ADGB: variants seen among roughly 807,000 people sequenced by gnomAD.
ADGB encodes the protein androglobin.
Under a neutral mutation model 210.5 loss-of-function variants are expected in ADGB, and 172 were observed. That is an observed-to-expected ratio of 0.82 (90% CI 0.72 to 0.93). The LOEUF (loss-of-function observed/expected upper bound fraction) is 0.93, where lower values mean the gene tolerates loss of function less well. ADGB is among the 40% of genes least tolerant of loss of function. ADGB has a pLI of 0.00. For synonymous variants in ADGB, 658 were observed against 662.7 expected (o/e 0.99, Z 0.11); for missense variants, 2,025 against 1,964.8 (o/e 1.03, Z -0.58).
At chr6:146,624,997 T>C (rs1450296326) in intron 1 of ADGB, among the ~76,000 whole-genome samples, 1 of 152,044 alleles carries the variant, frequency 6.6e-6, no homozygotes, top group Admixed American at 6.6e-5. Context: ...TTATGGTTTA[T>C]CTTGATAAAT....
In ADGB at chr6:146,801,827, G is replaced by A. The variant is rs1320913456; in HGVS notation, c.4635-1G>A. ...TATCTTTTGATGACTTTTGTATCAA[G>A]GAAAACAGATACAGATCCTCTGCTG... On this transcript the variant is annotated splice_acceptor_variant, in intron 34 of 35. Coordinates refer to ENST00000397944, the MANE Select transcript of ADGB (RefSeq NM_024694.4). LOFTEE classifies it high-confidence loss of function. 1.3e-6 allele frequency: 2 copies of A among 1,535,004 alleles called. No individual in the cohort carries two copies. Among genetic ancestry groups the A allele is most frequent in the Admixed American group, 2.1e-5 (1 of 48,664 alleles).
intron 8 of ADGB, among the ~76,000 whole-genome samples, chr6:146,676,024 T>G (rs187061661): frequency 6.6e-6 from 1 of 152,194 alleles, no homozygotes; most frequent in East Asian, 1.9e-4. Context: ...TATAATCTTA[T>G]ATAAATAAAA....
intron 29 of ADGB, 142 bp from the exon 30 acceptor site, chr6:146,781,878 G>A (rs758419781): frequency 5.6e-6 from 3 of 539,614 alleles, no homozygotes; most frequent in South Asian, 6.6e-5. Flanking sequence ...AGTCCAACAG[G>A]CCTTTATAAA....
At chr6:146,804,929 T>C (rs1481027595) in intron 35 of ADGB, among the ~76,000 whole-genome samples, 1 of 152,228 alleles carries the variant, frequency 6.6e-6, no homozygotes, top group Non-Finnish European at 1.5e-5. Context: ...TCACAGATAA[T>C]ACCTAAATAA....
intron 1 of ADGB, among the ~76,000 whole-genome samples, chr6:146,616,193 G>A (rs1236567104): frequency 6.7e-6 from 1 of 150,298 alleles, no homozygotes; most frequent in Non-Finnish European, 1.5e-5. Context: ...GTATATGCCT[G>A]TTGGCCATTT....
At chr6:146,770,970 C>G (rs1025104057) in intron 29 of ADGB, among the ~76,000 whole-genome samples, 7 of 152,140 alleles carry the variant, frequency 4.6e-5, no homozygotes, top group Non-Finnish European at 1.0e-4. Context: ...AAAGCCAACA[C>G]CCCTAACAGC....
chr6:146,611,368 C>A (rs1298342586), intron 1 of ADGB, among the ~76,000 whole-genome samples: 4 of 152,092 alleles, frequency 2.6e-5, no homozygotes, highest in Non-Finnish European at 5.9e-5. Context: ...GCATGGGAAG[C>A]CTTGAGGGCT....
intron 25 of ADGB, among the ~76,000 whole-genome samples, chr6:146,742,660 A>C (rs889509417): frequency 5.3e-5 from 8 of 152,164 alleles, no homozygotes; most frequent in Non-Finnish European, 1.2e-4. Context: ...TTTGCTAATA[A>C]AAATTCAATT....
intron 6 of ADGB, among the ~76,000 whole-genome samples, chr6:146,665,111 T>C (rs1265222335): frequency 6.6e-6 from 1 of 152,006 alleles, no homozygotes; most frequent in Non-Finnish European, 1.5e-5. Context: ...CCTCCTGCAG[T>C]TTGTCAAAGA....
At chr6:146,703,853 T>C (rs1776529455) in intron 13 of ADGB, among the ~76,000 whole-genome samples, 2 of 135,166 alleles carry the variant, frequency 1.5e-5, no homozygotes, top group South Asian at 2.4e-4. Context: ...GATCACATGA[T>C]TGCCCTATTT....
At chr6:146,720,831 C>G (rs779458132) in intron 16 of ADGB, among the ~76,000 whole-genome samples, 8 of 152,180 alleles carry the variant, frequency 5.3e-5, no homozygotes, top group Non-Finnish European at 8.8e-5. Flanking sequence ...TCCCGTGATT[C>G]AATCACCTCC....
chr6:146,805,409 G>C (rs1309672278), intron 35 of ADGB, among the ~76,000 whole-genome samples: 1 of 152,182 alleles, frequency 6.6e-6, no homozygotes, highest in Non-Finnish European at 1.5e-5. Flanking sequence ...AATAAAGAGG[G>C]AGGGCAATGC....
chr6:146,700,076 T>A lies in ADGB; in HGVS notation c.1578-865T>A, dbSNP rs1289846201. Among the ~76,000 whole-genome samples the A allele has an allele frequency of 3.3e-5, 5 of 152,226 alleles. No individual in the cohort carries two copies. The East Asian group carries it at 7.7e-4, about 23-fold the overall frequency. On this transcript the variant is annotated intron_variant, in intron 12 of 35. Coordinates refer to ENST00000397944, the MANE Select transcript of ADGB (RefSeq NM_024694.4). ...TCAGAGATATGTGGATGGCATTTCA[T>A]CCTACGTGATAGACATGCCCCTTGT...
intron 5 of ADGB, among the ~76,000 whole-genome samples, chr6:146,659,676 T>G (rs994968607): frequency 6.6e-6 from 1 of 152,170 alleles, no homozygotes; most frequent in African/African-American, 2.4e-5. Context: ...CTCAGCCAGA[T>G]AGAAATTTAT....
intron 33 of ADGB, among the ~76,000 whole-genome samples, chr6:146,790,618 C>T (rs112816224): frequency 3.3e-4 from 50 of 152,314 alleles, no homozygotes; most frequent in African/African-American, 1.1e-3. Flanking sequence ...GTCCTTTCAA[C>T]ATATTGGCTG....
At chr6:146,726,826 C>A (rs373045087) in intron 19 of ADGB, among the ~76,000 whole-genome samples, 1 of 152,124 alleles carries the variant, frequency 6.6e-6, no homozygotes, top group Non-Finnish European at 1.5e-5. Flanking sequence ...CAGTGCAGTC[C>A]TTTTTAATAG....
chr6:146,686,305 G>T (rs1372144338), intron 10 of ADGB, among the ~76,000 whole-genome samples: 2 of 151,934 alleles, frequency 1.3e-5, no homozygotes, highest in African/African-American at 4.8e-5. Context: ...AATGCTAATT[G>T]TTTTCTTATA....
At chr6:146,810,032 A>G (rs906845277) in intron 35 of ADGB, among the ~76,000 whole-genome samples, 8 of 152,086 alleles carry the variant, frequency 5.3e-5, no homozygotes, top group African/African-American at 1.9e-4. Context: ...ATAGAATGGG[A>G]GAAAATACTT....
At chr6:146,611,998 T>A (rs954880948) in intron 1 of ADGB, among the ~76,000 whole-genome samples, 1 of 152,174 alleles carries the variant, frequency 6.6e-6, no homozygotes, top group Non-Finnish European at 1.5e-5. Flanking sequence ...CATTACTTTG[T>A]TTGAGACCAG....
Sources: gnomAD v4.1 joint callset for allele counts (sites outside exome capture counted in the v4.1 genomes callset) on GRCh38, gnomAD v4.1.1 for gene constraint, MANE v1.5 for transcripts, NCBI Gene and HGNC (gene_info 2026-07-23, HGNC 2026-07-21) for gene names.